The following PAFAH1B2 variants were observed in gnomAD, a reference collection of about 807,000 sequenced individuals.
The protein encoded by PAFAH1B2 is platelet-activating factor acetylhydrolase IB subunit alpha2.
Under a neutral mutation model 28.0 loss-of-function variants are expected in PAFAH1B2, and 8 were observed. The observed-to-expected ratio is 0.29, with a 90% CI of 0.17 to 0.52. The LOEUF is 0.52. Ranked by LOEUF, PAFAH1B2 falls within the 20% of genes least tolerant of loss-of-function variation. The pLI, the probability that PAFAH1B2 is intolerant of heterozygous loss-of-function variation, is 0.97. For synonymous variants in PAFAH1B2, 104 were observed against 103.2 expected (o/e 1.01, Z -0.05); for missense variants, 190 against 282.6 (o/e 0.67, Z 2.35).
Position 117,170,300 on chromosome 11 carries a change from A to G in PAFAH1B2, c.*2601A>G, listed in dbSNP as rs1414575608. 2.6e-5 allele frequency: 28 copies of G among 1,058,384 alleles called. No homozygotes were observed. Among genetic ancestry groups the G allele is most frequent in the East Asian group, 5.1e-5 (1 of 19,670 alleles). 65.6% of individuals were successfully genotyped at this position (1,058,384 alleles called of 1,614,324 possible). A position where few individuals can be genotyped will look rare whatever the true frequency, so the allele number is the denominator to read the frequency against. ...TTTCCAGGCAGCTAGCAGAGATACT[A>G]TTCTCTTCCTCTCCCAGCAAATTTG... On this transcript the variant is annotated 3_prime_UTR_variant, in exon 6 of 6. Transcript: ENST00000527958.
Position 117,168,004 on chromosome 11 carries a change from A to C in PAFAH1B2, c.*305A>C, listed in dbSNP as rs1444581788. ...ATCACTGTTTTCTTGGGACAACATC[A>C]AGCCTAAATACTGAACAATATGAAG... On this transcript the variant is annotated 3_prime_UTR_variant, in exon 6 of 6. Transcript: ENST00000527958. 9.3e-7 allele frequency: 1 copy of C among 1,078,490 alleles called. No individual in the cohort carries two copies. The highest frequency in any genetic ancestry group is 1.1e-6 in the Non-Finnish European group (1 of 888,656). The allele number at this position is 1,078,490 out of a possible 1,614,324, so 66.8% of individuals were successfully genotyped here.
chr11:117,164,105 GT>G, intron 5 of PAFAH1B2: 2 of 452,962 alleles, frequency 4.4e-6, no homozygotes, highest in Admixed American at 7.6e-5. Flanking sequence ...ACGCATCCTT[GT>G]TTAGAAGTAT....
chr11:117,160,164 A>G (rs1214933634), intron 3 of PAFAH1B2, 141 bp downstream of exon 3: 6 of 662,852 alleles, frequency 9.1e-6, no homozygotes, highest in Non-Finnish European at 1.6e-5. Context: ...AATCAAAGCT[A>G]CCTAAAGGGA....
chr11:117,160,416 G>A (rs1338799133), intron 3 of PAFAH1B2, among the ~76,000 whole-genome samples: 1 of 152,080 alleles, frequency 6.6e-6, no homozygotes, highest in Non-Finnish European at 1.5e-5. Flanking sequence ...TATTTTTGTA[G>A]TAAGCTATTG....
At chr11:117,162,160 G>C (rs1956388220) in intron 4 of PAFAH1B2, among the ~76,000 whole-genome samples, 1 of 152,158 alleles carries the variant, frequency 6.6e-6, no homozygotes, top group East Asian at 1.9e-4. Flanking sequence ...TTTTAAGACA[G>C]GTTCTCTCTG....
chr11:117,144,383 T>C lies in PAFAH1B2; in HGVS notation c.-43T>C. The C allele has an allele frequency of 2.4e-6, 1 of 418,460 alleles. No homozygotes were observed. Among genetic ancestry groups the C allele is most frequent in the Non-Finnish European group, 4.9e-6 (1 of 205,326 alleles). The allele number at this position is 418,460 out of a possible 1,614,324, so 25.9% of individuals were successfully genotyped here. A position where few individuals can be genotyped will look rare whatever the true frequency, so the allele number is the denominator to read the frequency against. On this transcript the variant is annotated 5_prime_UTR_variant, in exon 1 of 6. Transcript: ENST00000527958. ...GACCGACGCGCCACCCGCCGACGCC[T>C]CAGCCGCTTGGGGCCCGCACGGACC...
At chr11:117,172,366 A>T (rs1591758963), downstream of PAFAH1B2, among the ~76,000 whole-genome samples, 1 of 3,188 alleles carries the variant, frequency 3.1e-4, no homozygotes, top group African/African-American at 4.0e-4. Flanking sequence ...ATATATATAT[A>T]TATATATATA....
chr11:117,153,323 A>G (rs957726664), intron 2 of PAFAH1B2, among the ~76,000 whole-genome samples: 2 of 151,910 alleles, frequency 1.3e-5, no homozygotes, highest in African/African-American at 4.8e-5. Flanking sequence ...AATTGTTAAC[A>G]TTTTACCGTA....
At chr11:117,162,267 A>G (rs192453792) in intron 4 of PAFAH1B2, among the ~76,000 whole-genome samples, 1 of 152,216 alleles carries the variant, frequency 6.6e-6, no homozygotes, top group East Asian at 1.9e-4. Context: ...CCAAATAGCT[A>G]GGACTGCAGG....
At chr11:117,160,542 C>T (rs1247465585) in intron 3 of PAFAH1B2, among the ~76,000 whole-genome samples, 1 of 152,142 alleles carries the variant, frequency 6.6e-6, no homozygotes, top group Non-Finnish European at 1.5e-5. Flanking sequence ...AGTGCAGTGG[C>T]ACAATCTCAG....
At chr11:117,175,140 C>T, downstream of PAFAH1B2, 1 of 1,197,580 alleles carries the variant, frequency 8.4e-7, no homozygotes. Context: ...CCTTATGGCC[C>T]CACCCTGACC....
chr11:117,151,262 C>T (rs1464225102), intron 1 of PAFAH1B2, among the ~76,000 whole-genome samples: 2 of 138,054 alleles, frequency 1.4e-5, no homozygotes, highest in Non-Finnish European at 3.1e-5. Context: ...TGGAGTCTGG[C>T]TCTGTCACCC....
chr11:117,149,649 G>T (rs1350410976), intron 1 of PAFAH1B2, among the ~76,000 whole-genome samples: 1 of 146,074 alleles, frequency 6.8e-6, no homozygotes, highest in African/African-American at 2.5e-5. Context: ...AGCCAGGATG[G>T]TCTCGATCTC....
downstream of PAFAH1B2, among the ~76,000 whole-genome samples, chr11:117,177,798 A>G (rs979244923): frequency 2.0e-5 from 3 of 152,198 alleles, no homozygotes; most frequent in Non-Finnish European, 4.4e-5. Context: ...GGCCTCCCAA[A>G]GTGTTGGGAT....
rs1555031552 is a variant in PAFAH1B2 at position 117,162,447 on chromosome 11, A to AC, written c.288+1186_288+1187insC. On this transcript the variant is annotated intron_variant, in intron 4 of 5. Transcript: ENST00000527958. ...GCTTGAGCTACCATGCGAGACTGTG[A>AC]TTTTTTTTTTTTTTCTCTAAAGAGA... Among the ~76,000 whole-genome samples, 23 of 143,282 alleles carry AC rather than the reference A, an allele frequency of 1.6e-4. No individual in the cohort carries two copies. The South Asian group carries it at 4.9e-3, about 31-fold the overall frequency. 94.0% of individuals were successfully genotyped at this position (143,282 alleles called of 152,430 possible).
chr11:117,146,839 G>A (rs113325707), intron 1 of PAFAH1B2, among the ~76,000 whole-genome samples: 1,379 of 41,576 alleles, frequency 0.033, 45 homozygotes, highest in African/African-American at 0.076. Context: ...CCATCTATTG[G>A]AAAAAAAAAA....
In PAFAH1B2 at chr11:117,170,245, C is replaced by T; in HGVS notation, c.*2546C>T. ...TTAATGCACTGTCCAAGTGAAATGT[C>T]CTAGTTGTCATTGTGATTAAGGGGC... On this transcript the variant is annotated 3_prime_UTR_variant, in exon 6 of 6. Coordinates refer to ENST00000527958, the MANE Select transcript of PAFAH1B2 (RefSeq NM_002572.4). 1 of 1,061,414 alleles carries T rather than the reference C, an allele frequency of 9.4e-7. No individual in the cohort carries two copies. The highest frequency in any genetic ancestry group is 1.1e-6 in the Non-Finnish European group (1 of 877,090). 65.7% of individuals were successfully genotyped at this position (1,061,414 alleles called of 1,614,324 possible).
intron 2 of PAFAH1B2, among the ~76,000 whole-genome samples, chr11:117,156,975 A>G (rs981714834): frequency 1.7e-4 from 25 of 151,008 alleles, no homozygotes; most frequent in Middle Eastern, 3.4e-3. Context: ...TGCCCCTCAT[A>G]GCTGCCACTG....
At chr11:117,146,066 A>G (rs1237896200) in intron 1 of PAFAH1B2, among the ~76,000 whole-genome samples, 1 of 151,884 alleles carries the variant, frequency 6.6e-6, no homozygotes, top group African/African-American at 2.4e-5. Context: ...CAAATTAACA[A>G]AACTTGTTCT....
Sources: allele counts gnomAD v4.1 joint callset (sites outside exome capture counted in the v4.1 genomes callset), GRCh38; gene constraint gnomAD v4.1.1; transcripts MANE v1.5; gene names NCBI Gene and HGNC (gene_info 2026-07-23, HGNC 2026-07-21).